LRP6: variants seen among roughly 807,000 people sequenced by gnomAD.
The protein encoded by LRP6 is low-density lipoprotein receptor-related protein 6.
LRP6 carries 43 observed loss-of-function variants against 184.1 expected under a neutral mutation model. The ratio of observed to expected loss-of-function variants is 0.23; its 90% CI spans 0.18 to 0.30. The LOEUF is 0.30. LRP6 is among the 10% of genes least tolerant of loss of function. The probability of loss-of-function intolerance (pLI) is 1.00; values close to 1 mark genes in which losing one functional copy is unlikely to be tolerated. For synonymous variants in LRP6, 719 were observed against 684.9 expected, an observed-to-expected ratio of 1.05 and a Z score of -0.78; for missense variants, 1,571 against 2,005.3, an observed-to-expected ratio of 0.78 and a Z score of 4.14.
chr12:12,149,303 T>C lies in LRP6; in HGVS notation c.2995-150A>G, dbSNP rs555522446. Reference sequence around the variant, plus strand: ...TATTTCTTACTGATACCTTTTTTTATGGGTAATGTGCTTCTTTGTTAATAC... The same window carrying C: ...TATTTCTTACTGATACCTTTTTTTACGGGTAATGTGCTTCTTTGTTAATAC... On this transcript the variant is annotated intron_variant, in intron 13 of 22. Transcript: ENST00000261349. The C allele has an allele frequency of 4.3e-6, 3 of 698,964 alleles. No homozygotes were observed. The South Asian group carries it at 4.8e-5, about 11-fold the overall frequency. 43.3% of individuals were successfully genotyped at this position (698,964 alleles called of 1,614,324 possible).
At position 12,131,986 on chromosome 12, in the gene LRP6, G is replaced by T. The variant is rs1335350108; in HGVS notation, c.3805C>A (p.Arg1269=). 3.7e-6 allele frequency: 6 copies of T among 1,614,012 alleles called. No homozygotes were observed. Among genetic ancestry groups the T allele is most frequent in the Non-Finnish European group, 5.1e-6 (6 of 1,180,006 alleles). The part of the protein sequence containing the change: ...GEIDCIPVAW[R]CDGFTECEDH... ...TCACATTCAGTAAACCCATCGCACC[G>T]CCAAGCCACAGGGATACAGTCAATT... The change falls in exon 18 of 23, where the codon CGG becomes AGG. Residue 1269 remains arginine (R), a synonymous_variant. Coordinates refer to ENST00000261349, the MANE Select transcript of LRP6 (RefSeq NM_002336.3).
chr12:12,246,671 C>CA (rs1214105103), intron 1 of LRP6, among the ~76,000 whole-genome samples: 19,593 of 117,166 alleles, frequency 0.17, 1,682 homozygotes, highest in African/African-American at 0.3. Context: ...GACCCTGTCT[C>CA]AAAAAAAAAA....
chr12:12,132,080 G>A (rs1389351957), intron 17 of LRP6, 23 bp from the exon 18 acceptor site: 1 of 1,530,286 alleles, frequency 6.5e-7, no homozygotes, highest in South Asian at 1.1e-5. Context: ...AAGGAGAAGG[G>A]GAGTGACAAA....
intron 12 of LRP6, among the ~76,000 whole-genome samples, chr12:12,153,784 A>G (rs994555295): frequency 2.0e-5 from 3 of 152,204 alleles, no homozygotes; most frequent in Non-Finnish European, 2.9e-5. Flanking sequence ...TCGCATTCCC[A>G]CAATGGAGAC....
intron 15 of LRP6, among the ~76,000 whole-genome samples, chr12:12,145,144 A>G (rs1949984707): frequency 6.6e-6 from 1 of 152,150 alleles, no homozygotes; most frequent in South Asian, 2.1e-4. Context: ...CAATTATTCA[A>G]AAGACATAAA....
At chr12:12,236,059 T>C (rs1433071386) in intron 2 of LRP6, among the ~76,000 whole-genome samples, 3 of 151,996 alleles carry the variant, frequency 2.0e-5, no homozygotes, top group Non-Finnish European at 2.9e-5. Context: ...ACCCCGTCTC[T>C]ACTGAAAAAT....
intron 3 of LRP6, among the ~76,000 whole-genome samples, chr12:12,197,003 G>C (rs1863779739): frequency 6.6e-6 from 1 of 151,974 alleles, no homozygotes; most frequent in Admixed American, 6.6e-5. Flanking sequence ...CTACTATTTT[G>C]TTAGCCAGAG....
Position 12,121,391 on chromosome 12 carries a change from G to A in LRP6, c.4577C>T (p.Ala1526Val), listed in dbSNP as rs770394008. 5 of 1,614,136 alleles carry A rather than the reference G, an allele frequency of 3.1e-6. No homozygotes were observed. Among genetic ancestry groups the A allele is most frequent in the Non-Finnish European group, 4.2e-6 (5 of 1,180,018 alleles). Residue 1526 changes from alanine (A) to valine (V), a missense_variant, in exon 23 of 23, where the codon GCA (alanine) becomes GTA (valine). Coordinates refer to ENST00000261349, the MANE Select transcript of LRP6 (RefSeq NM_002336.3). ...SYRPYSYRHFAPPTTPCSTDV... is the reference protein window; with the variant it reads ...SYRPYSYRHFVPPTTPCSTDV... Reference sequence around the variant, plus strand: ...TGTGCTGCAGGGTGTGGTGGGGGGTGCAAAGTGCCGGTAGCTATATGGCCT... The same window carrying A: ...TGTGCTGCAGGGTGTGGTGGGGGGTACAAAGTGCCGGTAGCTATATGGCCT...
chr12:12,205,280 C>G (rs981415363), intron 2 of LRP6, among the ~76,000 whole-genome samples: 1 of 140,610 alleles, frequency 7.1e-6, no homozygotes, highest in African/African-American at 2.7e-5. Context: ...AGATTGTGTG[C>G]CACTGCACTC....
intron 2 of LRP6, among the ~76,000 whole-genome samples, chr12:12,211,449 G>A (rs546960320): frequency 6.6e-6 from 1 of 152,118 alleles, no homozygotes; most frequent in African/African-American, 2.4e-5. Flanking sequence ...CTCAAAAAAA[G>A]AGAGTCTGGA....
At chr12:12,156,585 T>G (rs1420036717) in intron 12 of LRP6, among the ~76,000 whole-genome samples, 1 of 152,228 alleles carries the variant, frequency 6.6e-6, no homozygotes, top group Non-Finnish European at 1.5e-5. Context: ...TTTCCTTTTT[T>G]CCATTCACGT....
intron 17 of LRP6, among the ~76,000 whole-genome samples, chr12:12,133,700 G>A (rs1442436704): frequency 1.3e-5 from 2 of 151,976 alleles, no homozygotes; most frequent in African/African-American, 4.8e-5. Flanking sequence ...AAGAAAAAAG[G>A]CCCTTTAAAA....
At position 12,138,405 on chromosome 12, in the gene LRP6, T is replaced by G. The variant is rs145672862; in HGVS notation, c.3527A>C (p.Glu1176Ala). 4.8e-4 allele frequency: 772 copies of G among 1,614,172 alleles called. 1 individual carries two copies. The highest frequency in any genetic ancestry group is 6.3e-4 in the Non-Finnish European group (739 of 1,180,030). ...TCGAGCTTGGACTTTGGTTCTACCC[T>G]CTCGACCTGTCATGTCAATTTTTTC... ...MIEKIDMTGR[E>A]GRTKVQARIA... is the part of the protein sequence containing the mutation. The change falls in exon 16 of 23, where the codon GAG (glutamate) becomes GCG (alanine). Residue 1176 changes from glutamate to alanine, a missense_variant. Around this residue, in one of 4 missense-constraint regions of LRP6, gnomAD observed 763 missense variants for 859.5 expected, o/e 0.89. Coordinates refer to ENST00000261349, the MANE Select transcript of LRP6 (RefSeq NM_002336.3).
intron 15 of LRP6, among the ~76,000 whole-genome samples, chr12:12,144,363 G>A (rs1949973680): frequency 6.6e-6 from 1 of 152,232 alleles, no homozygotes; most frequent in Non-Finnish European, 1.5e-5. Context: ...AGACCTGCCT[G>A]CCAGGCATGG....
intron 1 of LRP6, among the ~76,000 whole-genome samples, chr12:12,266,009 C>A (rs930901951): frequency 1.3e-5 from 2 of 152,054 alleles, no homozygotes; most frequent in African/African-American, 4.8e-5. Flanking sequence ...TTGCATACTC[C>A]GAAAATAGGG....
chr12:12,152,607 C>T (rs574929736), intron 12 of LRP6, among the ~76,000 whole-genome samples: 3 of 152,108 alleles, frequency 2.0e-5, no homozygotes, highest in Non-Finnish European at 4.4e-5. Flanking sequence ...TGGGAGACTA[C>T]CAACAACTTC....
At chr12:12,165,410 A>G in intron 7 of LRP6, 115 bp from the exon 8 acceptor site, 1 of 760,756 alleles carries the variant, frequency 1.3e-6, no homozygotes, top group Admixed American at 1.9e-5. Flanking sequence ...TGGTATTCCT[A>G]TTACAATGCT....
chr12:12,225,152 G>T (rs191571985), intron 2 of LRP6, among the ~76,000 whole-genome samples: 1 of 152,156 alleles, frequency 6.6e-6, no homozygotes, highest in Non-Finnish European at 1.5e-5. Context: ...ATGGGAGGAT[G>T]CAGTGAGCCA....
intron 3 of LRP6, among the ~76,000 whole-genome samples, chr12:12,191,970 A>G (rs1399768201): frequency 6.6e-6 from 1 of 152,158 alleles, no homozygotes; most frequent in African/African-American, 2.4e-5. Flanking sequence ...TTGAACCCTC[A>G]GGAAAAATGA....
Sources: gnomAD v4.1 joint callset for allele counts (sites outside exome capture counted in the v4.1 genomes callset) on GRCh38, gnomAD v4.1.1 for gene constraint, gnomAD v4.1.1 regional missense constraint, MANE v1.5 for transcripts, NCBI Gene and HGNC (gene_info 2026-07-23, HGNC 2026-07-21) for gene names.